ZDHHC20: variants seen among roughly 807,000 people sequenced by gnomAD.
The protein encoded by ZDHHC20 is palmitoyltransferase ZDHHC20.
ZDHHC20 carries 43 observed loss-of-function variants against 57.8 expected under a neutral mutation model. The observed-to-expected ratio is 0.74, with a 90% CI of 0.58 to 0.96. The LOEUF (loss-of-function observed/expected upper bound fraction) is 0.96. Ranked by LOEUF, ZDHHC20 falls within the 40% of genes least tolerant of loss-of-function variation. The probability of loss-of-function intolerance (pLI) is 0.00; values close to 1 mark genes in which losing one functional copy is unlikely to be tolerated. For missense variants in ZDHHC20, 391 were observed against 441.1 expected, an observed-to-expected ratio of 0.89 and a Z score of 1.02; for synonymous variants, 157 against 153.0, an observed-to-expected ratio of 1.03 and a Z score of -0.19.
Position 21,376,564 on chromosome 13 carries a change from A to AT in ZDHHC20, c.*131dup. The AT allele has an allele frequency of 9.1e-7, 1 of 1,095,826 alleles. No individual in the cohort carries two copies. Among genetic ancestry groups the AT allele is most frequent in the Non-Finnish European group, 1.3e-6 (1 of 795,800 alleles). 67.9% of individuals were successfully genotyped at this position (1,095,826 alleles called of 1,614,324 possible). A position where few individuals can be genotyped will look rare whatever the true frequency, so the allele number is the denominator to read the frequency against. ...ACAAAGGCTTTCCGTTTTAAAAAAT[A>AT]TATCTTCTGTTATACTTCAGTTATT... On this transcript the variant is annotated 3_prime_UTR_variant, in exon 13 of 13. Transcript: ENST00000400590.
At chr13:21,458,036 G>T (rs964527789) in intron 1 of ZDHHC20, among the ~76,000 whole-genome samples, 3 of 152,212 alleles carry the variant, frequency 2.0e-5, no homozygotes, top group African/African-American at 7.2e-5. Flanking sequence ...CACCCTAGTT[G>T]AGGCCAGTTT....
chr13:21,458,770 C>A (rs1387371252), intron 1 of ZDHHC20, among the ~76,000 whole-genome samples: 1 of 152,232 alleles, frequency 6.6e-6, no homozygotes, highest in Non-Finnish European at 1.5e-5. Context: ...ATGCAGACCC[C>A]CGGTGTCGGC....
chr13:21,383,105 T>C (rs1873728505), intron 9 of ZDHHC20, 96 bp from the exon 10 acceptor site: 4 of 1,067,464 alleles, frequency 3.7e-6, no homozygotes, highest in Non-Finnish European at 5.5e-6. Context: ...GCATACATTA[T>C]CATAACTTGT....
intron 3 of ZDHHC20, among the ~76,000 whole-genome samples, chr13:21,419,868 C>T (rs1315522769): frequency 6.6e-6 from 1 of 152,150 alleles, no homozygotes; most frequent in Non-Finnish European, 1.5e-5. Context: ...GAAGTTGATA[C>T]TATTTTTAAA....
chr13:21,435,921 G>C (rs1251631082), intron 1 of ZDHHC20, among the ~76,000 whole-genome samples: 1 of 152,200 alleles, frequency 6.6e-6, no homozygotes, highest in Non-Finnish European at 1.5e-5. Flanking sequence ...GGTATAATTG[G>C]GCTAAGGGAG....
intron 1 of ZDHHC20, 145 bp downstream of exon 1, chr13:21,458,909 C>A: frequency 1.8e-6 from 1 of 544,648 alleles, no homozygotes; most frequent in Non-Finnish European, 3.1e-6. Context: ...GGTGCAGCAA[C>A]CTCGGCGCTT....
At chr13:21,458,965 A>C in intron 1 of ZDHHC20, 89 bp downstream of exon 1, 2 of 989,712 alleles carry the variant, frequency 2.0e-6, no homozygotes, top group Middle Eastern at 3.1e-4. Flanking sequence ...CGCTGGCTCC[A>C]GAAAGGCGGC....
At chr13:21,401,227 C>A (rs930386273) in intron 6 of ZDHHC20, among the ~76,000 whole-genome samples, 7 of 152,062 alleles carry the variant, frequency 4.6e-5, no homozygotes, top group African/African-American at 1.2e-4. Context: ...TGCAGTGAGA[C>A]AAGATCATGC....
At chr13:21,411,162 T>C (rs115605706) in intron 4 of ZDHHC20, among the ~76,000 whole-genome samples, 5,750 of 152,248 alleles carry the variant, frequency 0.038, 343 homozygotes, top group African/African-American at 0.13. Context: ...CGCCCTACCC[T>C]GCTTCTGCTC....
intron 7 of ZDHHC20, among the ~76,000 whole-genome samples, chr13:21,399,758 A>C (rs1877347120): frequency 6.6e-6 from 1 of 152,170 alleles, no homozygotes; most frequent in African/African-American, 2.4e-5. Flanking sequence ...ACGGCAGCAT[A>C]CTATATGCAT....
At chr13:21,453,770 G>T (rs1209221318) in intron 1 of ZDHHC20, among the ~76,000 whole-genome samples, 3 of 152,192 alleles carry the variant, frequency 2.0e-5, no homozygotes, top group African/African-American at 7.2e-5. Context: ...GGTGGAAGCT[G>T]CAGTGAGCCG....
rs375902349 is a variant in ZDHHC20 at position 21,376,599 on chromosome 13, T to C, written c.*97A>G. 268 of 1,348,100 alleles carry C rather than the reference T, an allele frequency of 2.0e-4. 1 individual carries two copies. Among genetic ancestry groups the C allele is most frequent in the Admixed American group, 1.9e-3 (66 of 34,976 alleles). 83.5% of individuals were successfully genotyped at this position (1,348,100 alleles called of 1,614,324 possible). A position where few individuals can be genotyped will look rare whatever the true frequency, so the allele number is the denominator to read the frequency against. On this transcript the variant is annotated 3_prime_UTR_variant, in exon 13 of 13. Coordinates refer to ENST00000400590, the MANE Select transcript of ZDHHC20 (RefSeq NM_001330059.2). ...TTATACTTCAGTTATTTCATTCCAC[T>C]GATCATTTTCTTGCAAATGAAAATT...
rs746710461 is a variant in ZDHHC20 at position 21,391,760 on chromosome 13, T to C, written c.689A>G (p.Tyr230Cys). Residue 230 changes from tyrosine (Y) to cysteine (C), a missense_variant, in exon 8 of 13, where the codon TAC (tyrosine) becomes TGC (cysteine). By Grantham distance (194) the Tyr-to-Cys change is radical. This residue lies in a region of ZDHHC20 where 197 missense variants were observed against 220.8 expected (regional missense o/e 0.89). Transcript: ENST00000400590. ...FFISVLSLFS[Y>C]HCWLVGKNRT... ...ATTTTTTCCAACTAGCCAGCAGTGGTAGCTGAAAAGTGAGAGGACGCTGAT... is the reference window on the plus strand; with the variant it reads ...ATTTTTTCCAACTAGCCAGCAGTGGCAGCTGAAAAGTGAGAGGACGCTGAT... 22 of 1,612,324 alleles carry C rather than the reference T, an allele frequency of 1.4e-5. No homozygotes were observed. Among genetic ancestry groups the C allele is most frequent in the Non-Finnish European group, 1.7e-6 (2 of 1,179,714 alleles).
At position 21,372,731 on chromosome 13, in the gene ZDHHC20, A is replaced by T. The variant is rs1871402898; in HGVS notation, c.*3965T>A. 6.6e-6 allele frequency: 1 copy of T among 152,264 alleles called. No individual in the cohort carries two copies. 9.4% of individuals were successfully genotyped at this position (152,264 alleles called of 1,614,324 possible). On this transcript the variant is annotated 3_prime_UTR_variant, in exon 13 of 13. Transcript: ENST00000400590. Reference sequence around the variant, plus strand: ...ACAGGCTAGGATTATACAAATAAGAACAAACACAAGGCTTATGGTACTTGT... The same window carrying T: ...ACAGGCTAGGATTATACAAATAAGATCAAACACAAGGCTTATGGTACTTGT...
At chr13:21,396,912 T>C (rs1876881387) in intron 7 of ZDHHC20, among the ~76,000 whole-genome samples, 1 of 152,052 alleles carries the variant, frequency 6.6e-6, no homozygotes, top group South Asian at 2.1e-4. Flanking sequence ...AGGATTAATA[T>C]CTTTAGAAGT....
At chr13:21,383,124 G>A in intron 9 of ZDHHC20, 115 bp from the exon 10 acceptor site, 1 of 957,144 alleles carries the variant, frequency 1.0e-6, no homozygotes, top group Non-Finnish European at 1.6e-6. Context: ...GTCATATAAG[G>A]AAGTAACTCC....
At chr13:21,395,038 T>C (rs1876520943) in intron 7 of ZDHHC20, among the ~76,000 whole-genome samples, 1 of 151,420 alleles carries the variant, frequency 6.6e-6, no homozygotes, top group Non-Finnish European at 1.5e-5. Flanking sequence ...AGCTGGATGC[T>C]GGAATAGCCA....
At chr13:21,426,354 TC>T (rs1881246941) in intron 1 of ZDHHC20, among the ~76,000 whole-genome samples, 1 of 152,176 alleles carries the variant, frequency 6.6e-6, no homozygotes, top group Admixed American at 6.5e-5. Flanking sequence ...GGTTCTACTA[TC>T]TAAGTCTCTT....
chr13:21,453,924 G>A (rs746669460), intron 1 of ZDHHC20, among the ~76,000 whole-genome samples: 1 of 152,116 alleles, frequency 6.6e-6, no homozygotes. Context: ...ATGGCTCAAC[G>A]CAGCCTTGAA....
Sources: gnomAD v4.1 joint callset for allele counts (sites outside exome capture counted in the v4.1 genomes callset) on GRCh38, gnomAD v4.1.1 for gene constraint, gnomAD v4.1.1 regional missense constraint, MANE v1.5 for transcripts, NCBI Gene and HGNC (gene_info 2026-07-23, HGNC 2026-07-21) for gene names.